The following WDFY2 variants were observed in gnomAD, a reference collection of about 807,000 sequenced individuals.
The protein encoded by WDFY2 is WD repeat and FYVE domain-containing protein 2.
In WDFY2, 36 loss-of-function variants were observed where a neutral mutation model predicts 56.4. The ratio of observed to expected loss-of-function variants is 0.64; its 90% CI spans 0.49 to 0.84. The LOEUF is 0.84. Ranked by LOEUF, WDFY2 falls within the 40% of genes least tolerant of loss-of-function variation. The probability of loss-of-function intolerance (pLI) is 0.00; values close to 1 mark genes in which losing one functional copy is unlikely to be tolerated. For missense variants in WDFY2, 444 were observed against 512.2 expected, an observed-to-expected ratio of 0.87 and a Z score of 1.29; for synonymous variants, 176 against 183.7, an observed-to-expected ratio of 0.96 and a Z score of 0.34.
intron 1 of WDFY2, among the ~76,000 whole-genome samples, chr13:51,614,482 A>G (rs1293037220): frequency 6.6e-6 from 1 of 152,204 alleles, no homozygotes; most frequent in East Asian, 1.9e-4. Flanking sequence ...CAGAGATGCT[A>G]TCAGAGACCC....
At chr13:51,605,926 G>C (rs1259708049) in intron 1 of WDFY2, among the ~76,000 whole-genome samples, 1 of 152,170 alleles carries the variant, frequency 6.6e-6, no homozygotes, top group African/African-American at 2.4e-5. Context: ...CATTGTCACT[G>C]TATGAGATTT....
At chr13:51,718,562 A>G (rs1952415185) in intron 4 of WDFY2, among the ~76,000 whole-genome samples, 1 of 76,606 alleles carries the variant, frequency 1.3e-5, no homozygotes, top group Non-Finnish European at 2.8e-5. Flanking sequence ...TCATTCATAC[A>G]CACACACACA....
chr13:51,693,119 A>G (rs921477197), intron 3 of WDFY2, among the ~76,000 whole-genome samples: 10 of 151,794 alleles, frequency 6.6e-5, no homozygotes, highest in Admixed American at 1.3e-4. Context: ...TGGTCTGTCA[A>G]TTTTGTTGAT....
Position 51,738,391 on chromosome 13 carries a change from A to G in WDFY2, c.599-658A>G, listed in dbSNP as rs118073911. Among the ~76,000 whole-genome samples the G allele has an allele frequency of 7.2e-3, 1,101 of 152,334 alleles. 8 individuals carry two copies. The highest frequency in any genetic ancestry group is 0.011 in the Non-Finnish European group (730 of 68,028). On this transcript the variant is annotated intron_variant, in intron 6 of 11. Coordinates refer to ENST00000298125, the MANE Select transcript of WDFY2 (RefSeq NM_052950.4). Reference sequence around the variant, plus strand: ...AAGTTTAGAGTGGTAGAATGGTCCTATGTAATTGATCTAATTCTCACCACA... The same window carrying G: ...AAGTTTAGAGTGGTAGAATGGTCCTGTGTAATTGATCTAATTCTCACCACA...
chr13:51,595,989 A>G lies in WDFY2; in HGVS notation c.137+11165A>G, dbSNP rs566573566. Among the ~76,000 whole-genome samples the G allele has an allele frequency of 1.3e-4, 20 of 152,314 alleles. No homozygotes were observed. The South Asian group carries it at 4.1e-3, about 32-fold the overall frequency. On this transcript the variant is annotated intron_variant, in intron 1 of 11. Coordinates refer to ENST00000298125, the MANE Select transcript of WDFY2 (RefSeq NM_052950.4). ...TTAAATACATTTAAATTCTAGTTTT[A>G]GAAAAGCTTAGATTACATTGTTGCT... is the stretch of plus-strand genomic sequence containing the variant.
intron 1 of WDFY2, among the ~76,000 whole-genome samples, chr13:51,620,916 G>A (rs777686192): frequency 4.6e-5 from 7 of 152,060 alleles, no homozygotes; most frequent in Non-Finnish European, 1.0e-4. Context: ...CCTATCTCCC[G>A]TTTTCCTCTG....
At chr13:51,586,008 A>G in intron 1 of WDFY2, 1 of 398,594 alleles carries the variant, frequency 2.5e-6, no homozygotes, top group Non-Finnish European at 4.4e-6. Context: ...ATGGCGCCTG[A>G]TTAATTTCCT....
intron 1 of WDFY2, among the ~76,000 whole-genome samples, chr13:51,645,026 T>A (rs1442335807): frequency 6.6e-6 from 1 of 152,242 alleles, no homozygotes; most frequent in African/African-American, 2.4e-5. Context: ...TCAGTTTGTT[T>A]TTATTACAAG....
intron 1 of WDFY2, among the ~76,000 whole-genome samples, chr13:51,649,504 C>T (rs1955327573): frequency 6.6e-6 from 1 of 151,398 alleles, no homozygotes; most frequent in South Asian, 2.1e-4. Flanking sequence ...ATACATGTGC[C>T]ATGTTGGTGT....
intron 4 of WDFY2, among the ~76,000 whole-genome samples, chr13:51,708,872 A>G (rs942356104): frequency 5.9e-5 from 9 of 152,194 alleles, no homozygotes; most frequent in African/African-American, 2.2e-4. Flanking sequence ...GACTTTTTAA[A>G]TATATCAAAG....
intron 4 of WDFY2, among the ~76,000 whole-genome samples, 175 bp downstream of exon 4, chr13:51,703,825 G>T (rs1352585874): frequency 6.6e-6 from 1 of 152,060 alleles, no homozygotes; most frequent in East Asian, 1.9e-4. Flanking sequence ...AATGAGGTTG[G>T]GTGGCTTGCC....
chr13:51,694,523 C>T (rs1220655783), intron 3 of WDFY2, among the ~76,000 whole-genome samples: 1 of 152,242 alleles, frequency 6.6e-6, no homozygotes, highest in African/African-American at 2.4e-5. Context: ...CCAGCCTCTT[C>T]TGGCTTATAG....
At chr13:51,663,038 T>A (rs1955641834) in intron 2 of WDFY2, among the ~76,000 whole-genome samples, 1 of 152,172 alleles carries the variant, frequency 6.6e-6, no homozygotes, top group Non-Finnish European at 1.5e-5. Flanking sequence ...AGATCATGTC[T>A]GTAATCCCAG....
chr13:51,652,810 C>T (rs1429145556), intron 1 of WDFY2, among the ~76,000 whole-genome samples: 4 of 152,074 alleles, frequency 2.6e-5, no homozygotes, highest in East Asian at 1.9e-4. Context: ...GTGAGTAACC[C>T]GACCTTTCTC....
intron 3 of WDFY2, among the ~76,000 whole-genome samples, chr13:51,695,360 G>C (rs1951845669): frequency 6.6e-6 from 1 of 152,098 alleles, no homozygotes; most frequent in Non-Finnish European, 1.5e-5. Context: ...ATGGGTTTTT[G>C]GTGTGGATGT....
intron 1 of WDFY2, among the ~76,000 whole-genome samples, chr13:51,607,103 T>C (rs1388719721): frequency 6.6e-6 from 1 of 152,242 alleles, no homozygotes; most frequent in Non-Finnish European, 1.5e-5. Flanking sequence ...AAACACCCTT[T>C]AGATACTTAT....
chr13:51,759,746 G>A lies in WDFY2; in HGVS notation c.1180G>A (p.Asp394Asn), dbSNP rs1417640114. 6 of 1,613,850 alleles carry A rather than the reference G, an allele frequency of 3.7e-6. No homozygotes were observed. The highest frequency in any genetic ancestry group is 1.7e-5 in the Admixed American group (1 of 59,994). The change falls in exon 12 of 12, where the codon GAT (aspartate) becomes AAT (asparagine). Residue 394 changes from aspartate to asparagine, a missense_variant. Transcript: ENST00000298125. ...CTTCTTTTTCTTTTTGCAGTTGTGG[G>A]ATATGACCCCAGTCGTGTCTTGATG... The part of the protein sequence containing the change: ...SGTDKVIKLW[D>N]MTPVVS
intron 3 of WDFY2, among the ~76,000 whole-genome samples, chr13:51,688,652 C>T (rs554589143): frequency 6.6e-6 from 1 of 152,230 alleles, no homozygotes; most frequent in South Asian, 2.1e-4. Context: ...AACTTAACAA[C>T]CAAAGATCCA....
chr13:51,642,188 G>A (rs1955180436), intron 1 of WDFY2, among the ~76,000 whole-genome samples: 1 of 151,786 alleles, frequency 6.6e-6, no homozygotes, highest in Admixed American at 6.6e-5. Flanking sequence ...TGTGAATACC[G>A]TATTCTATTA....
Sources: gnomAD v4.1 joint callset for allele counts (sites outside exome capture counted in the v4.1 genomes callset) on GRCh38, gnomAD v4.1.1 for gene constraint, MANE v1.5 for transcripts, NCBI Gene and HGNC (gene_info 2026-07-23, HGNC 2026-07-21) for gene names.